NRXN1: variants seen among roughly 807,000 people sequenced by gnomAD.
NRXN1 encodes neurexin 1.
In NRXN1, 39 loss-of-function variants were observed where a neutral mutation model predicts 150.9. The observed-to-expected ratio is 0.26, with a 90% CI of 0.20 to 0.34. NRXN1 has a LOEUF of 0.34. Among genes scored for constraint, NRXN1 ranks in the 10% least tolerant of loss-of-function variants. The pLI, the probability that NRXN1 is intolerant of heterozygous loss-of-function variation, is 1.00. For synonymous variants in NRXN1, 924 were observed against 757.0 expected (o/e 1.22, Z -3.62); for missense variants, 1,815 against 1,949.9 (o/e 0.93, Z 1.30).
intron 2 of NRXN1, chr2:51,026,279 G>A: frequency 1.3e-6 from 1 of 783,540 alleles, no homozygotes. Context: ...TCCATGTGTT[G>A]ATTGCCTTGC....
At chr2:50,691,346 GT>G (rs749862264) in intron 5 of NRXN1, among the ~76,000 whole-genome samples, 1 of 152,118 alleles carries the variant, frequency 6.6e-6, no homozygotes, top group Non-Finnish European at 1.5e-5. Flanking sequence ...TCAGAATAGT[GT>G]TTTTAGGCTT....
At position 49,919,094 on chromosome 2, in the gene NRXN1, A is replaced by C. The variant is rs908590130; in HGVS notation, c.*2850T>G. On this transcript the variant is annotated 3_prime_UTR_variant, in exon 23 of 23. Coordinates refer to ENST00000401669, the MANE Select transcript of NRXN1 (RefSeq NM_001330078.2). ...TATTGTAGTATTTGTTCTTTTAAAA[A>C]AGGCAACACATTACATGGATAAAAA... is the stretch of plus-strand genomic sequence containing the variant. 3 of 152,148 alleles carry C rather than the reference A, an allele frequency of 2.0e-5. No individual in the cohort carries two copies. The highest frequency in any genetic ancestry group is 7.2e-5 in the African/African-American group (3 of 41,448). 9.4% of individuals were successfully genotyped at this position (152,148 alleles called of 1,614,324 possible).
chr2:49,977,395 T>C (rs1679172131), intron 21 of NRXN1, among the ~76,000 whole-genome samples: 1 of 152,170 alleles, frequency 6.6e-6, no homozygotes, highest in Non-Finnish European at 1.5e-5. Context: ...TTCTATAATG[T>C]ACAGGACAGT....
At chr2:50,454,376 C>G (rs1424005058) in intron 17 of NRXN1, among the ~76,000 whole-genome samples, 1 of 151,848 alleles carries the variant, frequency 6.6e-6, no homozygotes, top group Non-Finnish European at 1.5e-5. Context: ...ATATACAAAT[C>G]AGGGCTGCTG....
chr2:50,186,626 T>C (rs147217600), intron 18 of NRXN1, among the ~76,000 whole-genome samples: 89 of 152,168 alleles, frequency 5.8e-4, no homozygotes, highest in African/African-American at 1.9e-3. Context: ...TTCCTTGTAA[T>C]CTTGACAGTA....
chr2:50,936,732 C>G (rs1023230464), intron 2 of NRXN1, among the ~76,000 whole-genome samples: 2 of 151,608 alleles, frequency 1.3e-5, no homozygotes, highest in Admixed American at 6.6e-5. Context: ...TGGCTCAGAG[C>G]AATATGAAAA....
At chr2:49,959,328 A>G (rs1675509693) in intron 21 of NRXN1, among the ~76,000 whole-genome samples, 1 of 152,160 alleles carries the variant, frequency 6.6e-6, no homozygotes, top group South Asian at 2.1e-4. Context: ...GAAAAACTCG[A>G]AGGTACACTG....
intron 18 of NRXN1, among the ~76,000 whole-genome samples, chr2:50,169,316 G>A (rs17040090): frequency 0.17 from 26,218 of 152,098 alleles, 2,752 homozygotes; most frequent in East Asian, 0.41. Flanking sequence ...TGGCCCATGA[G>A]AACAAGCAAT....
At chr2:50,233,249 T>C (rs2065122060) in intron 18 of NRXN1, among the ~76,000 whole-genome samples, 1 of 152,022 alleles carries the variant, frequency 6.6e-6, no homozygotes, top group Admixed American at 6.6e-5. Context: ...CTTAACAATT[T>C]CAATAGTAAT....
intron 2 of NRXN1, among the ~76,000 whole-genome samples, chr2:50,966,006 G>T (rs1285594954): frequency 6.6e-6 from 1 of 151,300 alleles, no homozygotes; most frequent in Admixed American, 6.6e-5. Flanking sequence ...ATTCCTTAAA[G>T]TTGCACCTTA....
intron 5 of NRXN1, among the ~76,000 whole-genome samples, chr2:50,763,941 C>T (rs921202002): frequency 6.6e-6 from 1 of 151,810 alleles, no homozygotes; most frequent in Non-Finnish European, 1.5e-5. Context: ...AATGACACTC[C>T]CACTGAGCTG....
intron 15 of NRXN1, among the ~76,000 whole-genome samples, chr2:50,487,216 T>C (rs981725708): frequency 1.3e-5 from 2 of 152,192 alleles, no homozygotes; most frequent in African/African-American, 4.8e-5. Flanking sequence ...GATAGTGATA[T>C]ACCCTGCCTA....
intron 18 of NRXN1, among the ~76,000 whole-genome samples, chr2:50,139,920 T>A (rs7568006): frequency 0.014 from 2,081 of 152,226 alleles, 45 homozygotes; most frequent in African/African-American, 0.047. Flanking sequence ...ATTTCAAATA[T>A]AACAAAATAT....
chr2:50,433,247 GA>G (rs2085130080), intron 17 of NRXN1, among the ~76,000 whole-genome samples: 1 of 152,186 alleles, frequency 6.6e-6, no homozygotes, highest in Admixed American at 6.5e-5. Context: ...AGAAGTAATA[GA>G]AATTCATTAC....
chr2:50,163,705 A>G lies in NRXN1; in HGVS notation c.3547-72211T>C, dbSNP rs561209666. Among the ~76,000 whole-genome samples the G allele has an allele frequency of 7.9e-5, 12 of 152,300 alleles. No individual in the cohort carries two copies. The South Asian group carries it at 2.5e-3, about 32-fold the overall frequency. ...AATTGGTCCTTATTCTGAATGTTTA[A>G]AAGTCCAGTAAGCATTTACTTTTTC... is the stretch of plus-strand genomic sequence containing the variant. On this transcript the variant is annotated intron_variant, in intron 18 of 22. Transcript: ENST00000401669.
Position 50,865,176 on chromosome 2 carries a change from G to T in NRXN1, c.832+56693C>A, listed in dbSNP as rs72891316. ...TCTAGGGTCTACAGACAGGTGAAAC[G>T]ACAGAAGACAGCTAGGAACAGTGCA... On this transcript the variant is annotated intron_variant, in intron 5 of 22. Coordinates refer to ENST00000401669, the MANE Select transcript of NRXN1 (RefSeq NM_001330078.2). Among the ~76,000 whole-genome samples, 857 of 151,980 alleles carry T rather than the reference G, an allele frequency of 5.6e-3. 11 individuals carry two copies. The highest frequency in any genetic ancestry group is 0.02 in the African/African-American group (832 of 41,468).
intron 22 of NRXN1, chr2:49,926,509 AC>A (rs1339810917): frequency 2.5e-6 from 1 of 395,372 alleles, no homozygotes; most frequent in East Asian, 3.6e-5. Context: ...CTATTTCTGC[AC>A]TATGCTCTAA....
chr2:49,937,417 A>C (rs111391185), intron 22 of NRXN1, among the ~76,000 whole-genome samples: 3 of 152,354 alleles, frequency 2.0e-5, no homozygotes, highest in African/African-American at 7.2e-5. Flanking sequence ...TTTTATTCTG[A>C]CATTACTGCC....
At chr2:50,656,389 G>A (rs920765149) in intron 5 of NRXN1, 1 of 776,874 alleles carries the variant, frequency 1.3e-6, no homozygotes, top group African/African-American at 1.7e-5. Context: ...CAGAAGTCAT[G>A]AAAGTGGTCT....
Sources: allele counts gnomAD v4.1 joint callset (sites outside exome capture counted in the v4.1 genomes callset), GRCh38; gene constraint gnomAD v4.1.1; transcripts MANE v1.5; gene names NCBI Gene and HGNC (gene_info 2026-07-23, HGNC 2026-07-21).